DPP10: variants seen among roughly 807,000 people sequenced by gnomAD.
The protein encoded by DPP10 is dipeptidyl peptidase like 10.
Under a neutral mutation model 120.9 loss-of-function variants are expected in DPP10, and 33 were observed. The observed-to-expected ratio is 0.27, with a 90% CI of 0.21 to 0.37. DPP10 has a LOEUF of 0.37. Ranked by LOEUF, DPP10 falls within the 10% of genes least tolerant of loss-of-function variation. The pLI is 1.00. For missense variants in DPP10, 816 were observed against 942.8 expected, an observed-to-expected ratio of 0.87 and a Z score of 1.76; for synonymous variants, 337 against 326.1, an observed-to-expected ratio of 1.03 and a Z score of -0.36.
At chr2:115,779,225 G>T (rs554292256) in intron 15 of DPP10, among the ~76,000 whole-genome samples, 1 of 152,190 alleles carries the variant, frequency 6.6e-6, no homozygotes, top group East Asian at 1.9e-4. Flanking sequence ...TCTCTCTAGT[G>T]ACTGAGGCAG....
intron 21 of DPP10, among the ~76,000 whole-genome samples, chr2:115,817,588 G>A (rs6732966): frequency 6.6e-6 from 1 of 151,940 alleles, no homozygotes; most frequent in East Asian, 1.9e-4. Context: ...CAACAGATAA[G>A]TAAAAATATT....
intron 1 of DPP10, among the ~76,000 whole-genome samples, chr2:115,254,560 C>T (rs904650698): frequency 3.3e-5 from 5 of 152,284 alleles, no homozygotes; most frequent in South Asian, 2.1e-4. Context: ...AACATTAACC[C>T]GGAAAGCCAA....
chr2:115,349,584 G>A (rs995833721), intron 3 of DPP10, among the ~76,000 whole-genome samples: 2 of 152,006 alleles, frequency 1.3e-5, no homozygotes, highest in African/African-American at 4.8e-5. Context: ...TAATAAATGC[G>A]CTGGGAGGTC....
intron 1 of DPP10, among the ~76,000 whole-genome samples, chr2:115,198,309 A>G (rs542727777): frequency 2.6e-4 from 40 of 152,260 alleles, no homozygotes; most frequent in Non-Finnish European, 5.4e-4. Flanking sequence ...ATTCATCTCA[A>G]ACACCCTCTT....
At chr2:114,573,586 C>A (rs530473735) in intron 1 of DPP10, among the ~76,000 whole-genome samples, 1 of 152,264 alleles carries the variant, frequency 6.6e-6, no homozygotes, top group African/African-American at 2.4e-5. Context: ...TTTCTCAGCT[C>A]AGGAAAGCAA....
At chr2:115,253,484 C>T (rs1299862633) in intron 1 of DPP10, among the ~76,000 whole-genome samples, 1 of 152,122 alleles carries the variant, frequency 6.6e-6, no homozygotes, top group African/African-American at 2.4e-5. Context: ...AGGTGAGTCC[C>T]TTACACCTAT....
intron 2 of DPP10, among the ~76,000 whole-genome samples, chr2:115,342,565 C>T (rs958580290): frequency 3.9e-5 from 6 of 152,104 alleles, no homozygotes; most frequent in Non-Finnish European, 7.4e-5. Flanking sequence ...CAGGGCAGGA[C>T]AGAGATATGT....
intron 5 of DPP10, among the ~76,000 whole-genome samples, chr2:115,605,380 T>G (rs2083638332): frequency 1.3e-5 from 2 of 152,126 alleles, no homozygotes; most frequent in African/African-American, 4.8e-5. Flanking sequence ...CCAGGCTATC[T>G]CTGTAAATGA....
intron 1 of DPP10, among the ~76,000 whole-genome samples, chr2:114,537,137 GGT>G (rs140387548): frequency 6.6e-6 from 1 of 151,876 alleles, no homozygotes; most frequent in African/African-American, 2.4e-5. Context: ...CCTTTAGGAG[GGT>G]GTGTGTGTGT....
At chr2:114,713,141 C>A (rs1701133231) in intron 1 of DPP10, among the ~76,000 whole-genome samples, 1 of 152,026 alleles carries the variant, frequency 6.6e-6, no homozygotes. Flanking sequence ...TGTCCACCAC[C>A]ACGCCTGGCT....
intron 1 of DPP10, among the ~76,000 whole-genome samples, chr2:114,539,086 A>G (rs1434323822): frequency 6.6e-6 from 1 of 151,870 alleles, no homozygotes; most frequent in Admixed American, 6.6e-5. Context: ...ATTGCCACAT[A>G]GCAGACAAAG....
intron 1 of DPP10, among the ~76,000 whole-genome samples, chr2:114,518,747 A>G (rs1573548205): frequency 6.6e-6 from 1 of 152,202 alleles, no homozygotes; most frequent in East Asian, 1.9e-4. Context: ...TCGTGTGCAC[A>G]TTACAGTTTG....
intron 1 of DPP10, among the ~76,000 whole-genome samples, chr2:115,143,081 T>C (rs1450013843): frequency 6.6e-6 from 1 of 152,206 alleles, no homozygotes; most frequent in African/African-American, 2.4e-5. Context: ...CTTTTCATTC[T>C]GTGGATACTA....
chr2:115,819,981 C>G (rs1341006284), intron 21 of DPP10, among the ~76,000 whole-genome samples: 1 of 152,084 alleles, frequency 6.6e-6, no homozygotes, highest in Non-Finnish European at 1.5e-5. Flanking sequence ...GCAACAAGAG[C>G]GAAACTCTGT....
chr2:115,236,543 AT>A (rs1478656946), intron 1 of DPP10, among the ~76,000 whole-genome samples: 1 of 152,320 alleles, frequency 6.6e-6, no homozygotes, highest in African/African-American at 2.4e-5. Flanking sequence ...GGCAAACATT[AT>A]TAACTGATCA....
intron 1 of DPP10, among the ~76,000 whole-genome samples, chr2:114,478,648 C>T (rs1297354961): frequency 6.6e-6 from 1 of 151,954 alleles, no homozygotes; most frequent in East Asian, 1.9e-4. Flanking sequence ...AAATTATCTC[C>T]ATTTACAAAT....
At chr2:114,692,489 T>C (rs1450684035) in intron 1 of DPP10, among the ~76,000 whole-genome samples, 1 of 151,950 alleles carries the variant, frequency 6.6e-6, no homozygotes, top group African/African-American at 2.4e-5. Flanking sequence ...TGCTGAGGAG[T>C]GTTTTACTTC....
At chr2:115,272,981 A>G (rs1387045430) in intron 1 of DPP10, among the ~76,000 whole-genome samples, 1 of 152,218 alleles carries the variant, frequency 6.6e-6, no homozygotes, top group Non-Finnish European at 1.5e-5. Context: ...ATTATTGCTT[A>G]GGTTTATTTG....
chr2:115,137,288 C>T (rs1303987438), intron 1 of DPP10, among the ~76,000 whole-genome samples: 1 of 152,098 alleles, frequency 6.6e-6, no homozygotes, highest in African/African-American at 2.4e-5. Flanking sequence ...GAATCCCAGC[C>T]CTGGCCAGTG....
Sources: gnomAD v4.1 joint callset for allele counts (sites outside exome capture counted in the v4.1 genomes callset) on GRCh38, gnomAD v4.1.1 for gene constraint, MANE v1.5 for transcripts, NCBI Gene and HGNC (gene_info 2026-07-23, HGNC 2026-07-21) for gene names.